The following MANBA variants were observed in gnomAD, a reference collection of about 807,000 sequenced individuals.
The protein encoded by MANBA is mannosidase beta, also known as beta-mannosidase.
A neutral mutation model predicts 111.1 loss-of-function variants in MANBA; 83 were observed. That is an observed-to-expected ratio of 0.75 (90% CI 0.63 to 0.90). The LOEUF is 0.90. MANBA is among the 40% of genes least tolerant of loss of function. The pLI, the probability that MANBA is intolerant of heterozygous loss-of-function variation, is 0.00. For synonymous variants in MANBA, 370 were observed against 378.7 expected, an observed-to-expected ratio of 0.98 and a Z score of 0.27; for missense variants, 1,036 against 1,069.0, an observed-to-expected ratio of 0.97 and a Z score of 0.43.
rs112708678 is a variant in MANBA, at chr4:102,727,143, G to A, written c.178-460C>T. 7.2e-3 allele frequency: 2,149 copies of A among 299,430 alleles called. 17 individuals carry two copies. Among genetic ancestry groups the A allele is most frequent in the Non-Finnish European group, 8.9e-3 (1,386 of 156,536 alleles). 18.5% of individuals were successfully genotyped at this position (299,430 alleles called of 1,614,324 possible). On this transcript the variant is annotated intron_variant, in intron 1 of 16. Transcript: ENST00000647097. ...GAGCAAAGTGGGAGATCACTGTCAC[G>A]GCTGAAGTTACATGGCCAAGACAAA...
chr4:102,679,556 T>C (rs1731871291), intron 7 of MANBA: 1 of 152,026 alleles, frequency 6.6e-6, no homozygotes, highest in Admixed American at 6.6e-5. Flanking sequence ...GGGAATAACA[T>C]ATATAATGGT....
In MANBA at chr4:102,657,587, G is replaced by A. The variant is rs149866571; in HGVS notation, c.1704+95C>T. On this transcript the variant is annotated intron_variant, in intron 12 of 16. Transcript: ENST00000647097. ...TCTCAAACTTTCATTTAAATAAGAC[G>A]TAGGTTTCATATGATTTTCTGAACC... 2.3e-3 allele frequency: 2,299 copies of A among 1,009,214 alleles called. 6 individuals carry two copies. The highest frequency in any genetic ancestry group is 4.0e-3 in the Admixed American group (218 of 53,978). 62.5% of individuals were successfully genotyped at this position (1,009,214 alleles called of 1,614,324 possible).
intron 1 of MANBA, among the ~76,000 whole-genome samples, chr4:102,755,513 A>C (rs1578964271): frequency 1.3e-5 from 2 of 152,362 alleles, no homozygotes; most frequent in East Asian, 3.9e-4. Context: ...AAAACCATAA[A>C]AACCCTAGAA....
intron 1 of MANBA, among the ~76,000 whole-genome samples, chr4:102,746,157 G>A (rs1211824049): frequency 1.3e-5 from 2 of 152,150 alleles, no homozygotes; most frequent in African/African-American, 2.4e-5. Flanking sequence ...GGCAAAAAAG[G>A]TTCATCAGAG....
At chr4:102,702,025 A>T (rs2110259313) in intron 5 of MANBA, among the ~76,000 whole-genome samples, 1 of 152,086 alleles carries the variant, frequency 6.6e-6, no homozygotes, top group Non-Finnish European at 1.5e-5. Flanking sequence ...GTCTTTTCAC[A>T]TAGTCCCATA....
chr4:102,676,577 T>G (rs2110229012), intron 7 of MANBA, among the ~76,000 whole-genome samples: 1 of 152,322 alleles, frequency 6.6e-6, no homozygotes, highest in Non-Finnish European at 1.5e-5. Flanking sequence ...ACTGGCCTGA[T>G]ATCTCATCTG....
intron 1 of MANBA, among the ~76,000 whole-genome samples, chr4:102,742,933 G>A (rs1337079392): frequency 6.6e-6 from 1 of 151,942 alleles, no homozygotes; most frequent in African/African-American, 2.4e-5. Flanking sequence ...GCAGTGCCGT[G>A]GCCAGGTCAG....
Position 102,714,454 on chromosome 4 carries a change from T to C in MANBA, c.657A>G (p.Thr219=). 1.2e-6 allele frequency: 2 copies of C among 1,605,942 alleles called. No individual in the cohort carries two copies. The highest frequency in any genetic ancestry group is 1.7e-6 in the Non-Finnish European group (2 of 1,172,846). The change falls in exon 5 of 17, where the codon ACA becomes ACG. Residue 219 remains threonine, a synonymous_variant. Transcript: ENST00000647097. ...TCAGCTTACCATATATTGGGGAAAATGTGAAGTAGTTCAGGTGACAAATAT... is the reference window on the plus strand; with the variant it reads ...TCAGCTTACCATATATTGGGGAAAACGTGAAGTAGTTCAGGTGACAAATAT... ...AYNICHLNYF[T]FSPIYDKSAQ...
chr4:102,684,642 C>A (rs756315944), intron 7 of MANBA, among the ~76,000 whole-genome samples: 1 of 152,140 alleles, frequency 6.6e-6, no homozygotes, highest in Non-Finnish European at 1.5e-5. Flanking sequence ...AGCAGTCCCC[C>A]CTTATCTGCA....
intron 7 of MANBA, among the ~76,000 whole-genome samples, chr4:102,674,843 C>G (rs1216673986): frequency 1.3e-5 from 2 of 152,136 alleles, no homozygotes; most frequent in African/African-American, 4.8e-5. Flanking sequence ...GATTTTATAC[C>G]AATAAAGCCT....
intron 11 of MANBA, among the ~76,000 whole-genome samples, chr4:102,659,457 T>C (rs1407253862): frequency 6.6e-6 from 1 of 152,192 alleles, no homozygotes; most frequent in Non-Finnish European, 1.5e-5. Flanking sequence ...AAAAAATCCT[T>C]AACCCTTTCC....
intron 1 of MANBA, chr4:102,730,494 C>A: frequency 1.9e-6 from 1 of 529,032 alleles, no homozygotes; most frequent in Non-Finnish European, 3.7e-6. Context: ...GGCAGCTCGT[C>A]CCTAACAGTA....
At position 102,634,888 on chromosome 4, in the gene MANBA, G is replaced by A. The variant is rs757508838; in HGVS notation, c.2315C>T (p.Ser772Phe). 1 of 1,614,120 alleles carries A rather than the reference G, an allele frequency of 6.2e-7. No homozygotes were observed. The highest frequency in any genetic ancestry group is 1.3e-5 in the African/African-American group (1 of 74,938). Residue 772 changes from serine (S) to phenylalanine (F), a missense_variant, in exon 16 of 17, where the codon TCC (serine) becomes TTC (phenylalanine). By Grantham distance (155) the Ser-to-Phe change is radical (BLOSUM62 -2). Coordinates refer to ENST00000647097, the MANE Select transcript of MANBA (RefSeq NM_005908.4). ...TTCATGGTCAGCTGAAAGGTAAAAG[G>A]AAACCACACAGCTTTCCCGTGTGCA... is the stretch of plus-strand genomic sequence containing the variant. ...GNCTRESCVV[S>F]FYLSADHELL...
chr4:102,671,681 A>G (rs1731505996), intron 8 of MANBA, among the ~76,000 whole-genome samples: 1 of 152,248 alleles, frequency 6.6e-6, no homozygotes, highest in Non-Finnish European at 1.5e-5. Context: ...TAGTCTTATA[A>G]AAAATACAGT....
At chr4:102,633,835 A>C (rs13106325) in intron 16 of MANBA, among the ~76,000 whole-genome samples, 1 of 151,356 alleles carries the variant, frequency 6.6e-6, no homozygotes, top group African/African-American at 2.4e-5. Context: ...TCTGTTCTCT[A>C]TTAGTTGTTA....
At chr4:102,642,392 G>C (rs1344151454) in intron 13 of MANBA, among the ~76,000 whole-genome samples, 2 of 152,174 alleles carry the variant, frequency 1.3e-5, no homozygotes, top group Non-Finnish European at 2.9e-5. Context: ...TGAATCACGA[G>C]GTCAGGAGAT....
At chr4:102,633,555 C>T (rs1231243898) in intron 16 of MANBA, 6 of 397,284 alleles carry the variant, frequency 1.5e-5, no homozygotes, top group Non-Finnish European at 2.7e-5. Flanking sequence ...ATATTAGCCC[C>T]GAATTAAACA....
At chr4:102,760,317 C>T in intron 1 of MANBA, among the ~76,000 whole-genome samples, 1 of 152,164 alleles carries the variant, frequency 6.6e-6, no homozygotes, top group South Asian at 2.1e-4. Flanking sequence ...ATAGAGTTAA[C>T]CCTTACTTAA....
chr4:102,750,229 T>A (rs1313269245), intron 1 of MANBA, among the ~76,000 whole-genome samples: 1 of 152,154 alleles, frequency 6.6e-6, no homozygotes, highest in Non-Finnish European at 1.5e-5. Context: ...GACATACATA[T>A]CTTTAAAGGG....
Sources: gnomAD v4.1 joint callset for allele counts (sites outside exome capture counted in the v4.1 genomes callset) on GRCh38, gnomAD v4.1.1 for gene constraint, MANE v1.5 for transcripts, NCBI Gene and HGNC (gene_info 2026-07-23, HGNC 2026-07-21) for gene names.